The following STRBP variants were observed in gnomAD, a reference collection of about 807,000 sequenced individuals.
STRBP encodes spermatid perinuclear RNA-binding protein.
STRBP carries 13 observed loss-of-function variants against 80.1 expected under a neutral mutation model. That is an observed-to-expected ratio of 0.16 (90% confidence interval 0.11 to 0.26). The LOEUF (loss-of-function observed/expected upper bound fraction) is 0.26. STRBP is among the 10% of genes least tolerant of loss of function. The pLI is 1.00. For synonymous variants in STRBP, 284 were observed against 291.2 expected, an observed-to-expected ratio of 0.98 and a Z score of 0.25; for missense variants, 485 against 815.2, an observed-to-expected ratio of 0.59 and a Z score of 4.93.
At chr9:123,191,934 G>A (rs2038940741) in intron 2 of STRBP, among the ~76,000 whole-genome samples, 1 of 152,162 alleles carries the variant, frequency 6.6e-6, no homozygotes. Flanking sequence ...GTATAAGAGT[G>A]GAAGGAAGGA....
intron 1 of STRBP, among the ~76,000 whole-genome samples, chr9:123,265,428 C>T (rs1322946842): frequency 2.6e-5 from 4 of 152,228 alleles, no homozygotes; most frequent in Non-Finnish European, 5.9e-5. Context: ...TACCACACTA[C>T]ACATTACGTG....
chr9:123,245,471 G>A (rs1588150776), intron 1 of STRBP, among the ~76,000 whole-genome samples: 2 of 152,142 alleles, frequency 1.3e-5, no homozygotes, highest in Admixed American at 6.5e-5. Context: ...CTCACTGCAA[G>A]CTCCGCCTCC....
At chr9:123,190,158 TAATCTCAGCCACTCGGGAGACTGA>T (rs2038868896) in intron 2 of STRBP, among the ~76,000 whole-genome samples, 2 of 152,010 alleles carry the variant, frequency 1.3e-5, no homozygotes, top group African/African-American at 4.8e-5. Flanking sequence ...CACATGCCTG[TAATCTCAGCCACTCGGGAGACTGA>T]GGCAGAAGAA....
At chr9:123,135,911 G>A (rs2132320800) in intron 16 of STRBP, 130 bp downstream of exon 16, 1 of 1,241,070 alleles carries the variant, frequency 8.1e-7, no homozygotes, top group Admixed American at 2.4e-5. Context: ...CTAACCCAAA[G>A]CAAAGGTCAC....
At chr9:123,180,882 T>C in intron 3 of STRBP, 1 of 960,904 alleles carries the variant, frequency 1.0e-6, no homozygotes, top group Non-Finnish European at 1.2e-6. Context: ...AATTATATGT[T>C]AGTACATGGT....
At chr9:123,215,039 G>A (rs2039849094) in intron 2 of STRBP, among the ~76,000 whole-genome samples, 1 of 152,076 alleles carries the variant, frequency 6.6e-6, no homozygotes, top group South Asian at 2.1e-4. Context: ...GTCAGTGGAG[G>A]TGCCTGATGC....
intron 2 of STRBP, among the ~76,000 whole-genome samples, chr9:123,207,511 T>A (rs919307889): frequency 5.9e-5 from 9 of 152,120 alleles, no homozygotes; most frequent in Non-Finnish European, 7.4e-5. Context: ...ATAAAAAACA[T>A]TCAAAGTAAT....
intron 12 of STRBP, among the ~76,000 whole-genome samples, 186 bp downstream of exon 12, chr9:123,147,592 C>T (rs2036868816): frequency 6.7e-6 from 1 of 149,134 alleles, no homozygotes; most frequent in Non-Finnish European, 1.5e-5. Flanking sequence ...GTTGAAGGAT[C>T]ACTTGAGCCC....
At chr9:123,138,993 C>G (rs938223272) in intron 14 of STRBP, among the ~76,000 whole-genome samples, 1 of 152,152 alleles carries the variant, frequency 6.6e-6, no homozygotes, top group African/African-American at 2.4e-5. Flanking sequence ...GATTTCATCC[C>G]ATTCTATTAT....
intron 3 of STRBP, among the ~76,000 whole-genome samples, chr9:123,182,217 T>TAAAA (rs10546358): frequency 5.6e-4 from 39 of 69,792 alleles, no homozygotes; most frequent in African/African-American, 1.2e-3. Context: ...TCCGTTTCTT[T>TAAAA]AAAAAAAAAA....
chr9:123,209,403 A>G (rs959442118), intron 2 of STRBP, among the ~76,000 whole-genome samples: 1 of 152,240 alleles, frequency 6.6e-6, no homozygotes, highest in Non-Finnish European at 1.5e-5. Context: ...AATACACTCT[A>G]AAGTGGGATG....
At chr9:123,235,880 G>A (rs2040547599) in intron 2 of STRBP, among the ~76,000 whole-genome samples, 1 of 152,138 alleles carries the variant, frequency 6.6e-6, no homozygotes, top group African/African-American at 2.4e-5. Context: ...ACCAGAATGA[G>A]TTTGCTACCT....
intron 17 of STRBP, among the ~76,000 whole-genome samples, chr9:123,131,913 T>TA (rs2036153763): frequency 6.6e-6 from 1 of 152,212 alleles, no homozygotes; most frequent in African/African-American, 2.4e-5. Flanking sequence ...GGATGTTACC[T>TA]AAAAAACAAT....
At chr9:123,252,871 G>A (rs529595405) in intron 1 of STRBP, among the ~76,000 whole-genome samples, 10 of 152,202 alleles carry the variant, frequency 6.6e-5, no homozygotes, top group African/African-American at 1.4e-4. Flanking sequence ...AACATGATTC[G>A]GGCCAAAACA....
intron 18 of STRBP, among the ~76,000 whole-genome samples, chr9:123,127,978 A>G (rs1282633639): frequency 6.6e-6 from 1 of 152,254 alleles, no homozygotes; most frequent in Non-Finnish European, 1.5e-5. Context: ...CAATATGGTC[A>G]GAAACAGGCA....
intron 2 of STRBP, among the ~76,000 whole-genome samples, chr9:123,187,796 T>C (rs1193518832): frequency 1.4e-5 from 2 of 147,652 alleles, no homozygotes; most frequent in Non-Finnish European, 3.0e-5. Context: ...ACATAGTTTC[T>C]CCTATTCTTG....
At chr9:123,225,801 C>G (rs2040217336) in intron 2 of STRBP, among the ~76,000 whole-genome samples, 1 of 152,178 alleles carries the variant, frequency 6.6e-6, no homozygotes, top group Non-Finnish European at 1.5e-5. Flanking sequence ...AGTTCCTTTC[C>G]CAGACTCAAT....
chr9:123,243,954 A>G (rs1358948088), intron 1 of STRBP, among the ~76,000 whole-genome samples: 1 of 152,222 alleles, frequency 6.6e-6, no homozygotes, highest in East Asian at 1.9e-4. Context: ...TTACATCCAC[A>G]CAAAAGTCCA....
rs1181686941 is a variant in STRBP, at chr9:123,163,843, C to T, written c.536-2775G>A. Among the ~76,000 whole-genome samples the T allele has an allele frequency of 2.6e-5, 4 of 152,026 alleles. No homozygotes were observed. In the East Asian group the frequency reaches 5.8e-4, roughly 22 times the overall value. On this transcript the variant is annotated intron_variant, in intron 6 of 18. Transcript: ENST00000348403. The stretch of plus-strand genomic sequence containing the variant: ...TAATATTTCTGAACTTTAATGTAGG[C>T]GTTTAAATTTTGAGGAGGATCAAAA...
Sources: gnomAD v4.1 joint callset for allele counts (sites outside exome capture counted in the v4.1 genomes callset) on GRCh38, gnomAD v4.1.1 for gene constraint, MANE v1.5 for transcripts, NCBI Gene and HGNC (gene_info 2026-07-23, HGNC 2026-07-21) for gene names.